The following PMP22 variants were observed in gnomAD, a reference collection of about 807,000 sequenced individuals.
PMP22 encodes the protein Charcot-Marie-Tooth neuropathy 1A (greatly reduced nerve conduction velocity, hereditary motor sensory neuropathy Ia).
PMP22 carries 2 observed loss-of-function variants against 18.9 expected under a neutral mutation model. The observed-to-expected ratio is 0.11, with a 90% CI of 0.04 to 0.33. PMP22 has a LOEUF of 0.33. Ranked by LOEUF, PMP22 falls within the 10% of genes least tolerant of loss-of-function variation. The probability of loss-of-function intolerance (pLI) is 1.00; values close to 1 mark genes in which losing one functional copy is unlikely to be tolerated. For synonymous variants in PMP22, 95 were observed against 89.2 expected, an observed-to-expected ratio of 1.07 and a Z score of -0.37; for missense variants, 169 against 202.2, an observed-to-expected ratio of 0.84 and a Z score of 1.00.
rs1272659740 is a variant in PMP22, at chr17:15,261,871, C to A, written c.-34-1110G>T. On this transcript the variant is annotated intron_variant, in intron 1 of 4. Coordinates refer to ENST00000312280, the MANE Select transcript of PMP22 (RefSeq NM_000304.4). The surrounding 1 kb of genome is among the most constrained non-coding windows in gnomAD (Gnocchi z 5.2). Reference sequence around the variant, plus strand: ...AAGATCTGGCTGAGACTCTGGGGACCATTTTAGGCAGAGTCTTGGGCCAGG... The same window carrying A: ...AAGATCTGGCTGAGACTCTGGGGACAATTTTAGGCAGAGTCTTGGGCCAGG... The A allele has an allele frequency of 6.6e-6, 1 of 152,212 alleles. No individual in the cohort carries two copies. The highest frequency in any genetic ancestry group is 6.5e-5 in the Admixed American group (1 of 15,280). 9.4% of individuals were successfully genotyped at this position (152,212 alleles called of 1,614,324 possible). A position where few individuals can be genotyped will look rare whatever the true frequency, so the allele number is the denominator to read the frequency against.
chr17:15,243,111 C>T (rs751179308), intron 3 of PMP22, among the ~76,000 whole-genome samples: 3 of 151,910 alleles, frequency 2.0e-5, no homozygotes, highest in Non-Finnish European at 4.4e-5. Context: ...ACACTTTCAA[C>T]TCAAGAAGCC....
intron 3 of PMP22, among the ~76,000 whole-genome samples, chr17:15,248,089 G>A (rs1022386769): frequency 3.9e-5 from 6 of 152,132 alleles, no homozygotes; most frequent in Non-Finnish European, 7.3e-5. Context: ...CATATGCTTC[G>A]CCCACCAGCT....
At chr17:15,264,249 GATAGAT>G (rs1231495378) in intron 1 of PMP22, among the ~76,000 whole-genome samples, 45 of 95,496 alleles carry the variant, frequency 4.7e-4, no homozygotes, top group African/African-American at 1.1e-3. Context: ...TAGATAGATA[GATAGAT>G]ATAGATAGAT....
chr17:15,258,935 C>T lies in PMP22; in HGVS notation c.178+159G>A, dbSNP rs1326193772. The T allele has an allele frequency of 5.8e-6, 4 of 693,706 alleles. No individual in the cohort carries two copies. Among genetic ancestry groups the T allele is most frequent in the Non-Finnish European group, 5.3e-6 (2 of 378,218 alleles). 43.0% of individuals were successfully genotyped at this position (693,706 alleles called of 1,614,324 possible). On this transcript the variant is annotated intron_variant, in intron 3 of 4. Coordinates refer to ENST00000312280, the MANE Select transcript of PMP22 (RefSeq NM_000304.4). The surrounding 1 kb of genome is among the most constrained non-coding windows in gnomAD (Gnocchi z 4.1). ...AGCTTCCCCAGCGAGATCACCACCC[C>T]TCCCATTTTCCCTGGACTCATGGCT...
In PMP22 at chr17:15,258,779, G is replaced by A. The variant is rs1180409045; in HGVS notation, c.178+315C>T. On this transcript the variant is annotated intron_variant, in intron 3 of 4. Coordinates refer to ENST00000312280, the MANE Select transcript of PMP22 (RefSeq NM_000304.4). This position sits in a 1 kb window ranked among gnomAD's most constrained non-coding sequence, Gnocchi z 4.1. Reference sequence around the variant, plus strand: ...CCCAAGGGGGTCTGCCAAAGGCTTAGCTATCATACCACCTTCACAGCTCCC... The same window carrying A: ...CCCAAGGGGGTCTGCCAAAGGCTTAACTATCATACCACCTTCACAGCTCCC... The A allele has an allele frequency of 2.5e-6, 1 of 404,970 alleles. No homozygotes were observed. The highest frequency in any genetic ancestry group is 2.0e-5 in the African/African-American group (1 of 48,786). 25.1% of individuals were successfully genotyped at this position (404,970 alleles called of 1,614,324 possible). A position where few individuals can be genotyped will look rare whatever the true frequency, so the allele number is the denominator to read the frequency against.
At chr17:15,236,051 C>T (rs1270138640) in intron 4 of PMP22, among the ~76,000 whole-genome samples, 4 of 151,256 alleles carry the variant, frequency 2.6e-5, no homozygotes, top group African/African-American at 9.8e-5. Flanking sequence ...TGAGCCACTG[C>T]GCCCCGCCCA....
chr17:15,257,874 T>C (rs563968813), intron 3 of PMP22, among the ~76,000 whole-genome samples: 3 of 152,350 alleles, frequency 2.0e-5, no homozygotes, highest in African/African-American at 7.2e-5. Context: ...CCATGTAAAT[T>C]ACCAAATTAT....
At chr17:15,243,797 A>G in intron 3 of PMP22, among the ~76,000 whole-genome samples, 1 of 148,318 alleles carries the variant, frequency 6.7e-6, no homozygotes, top group East Asian at 1.9e-4. Context: ...ACATATAATT[A>G]TAATTAATAA....
chr17:15,260,796 A>G (rs567565233), intron 1 of PMP22, 35 bp from the exon 2 acceptor site: 1 of 1,380,686 alleles, frequency 7.2e-7, no homozygotes, highest in East Asian at 2.5e-5. Flanking sequence ...GGCCGAACGC[A>G]CTGGGCCGAG....
intron 1 of PMP22, among the ~76,000 whole-genome samples, chr17:15,263,875 G>A (rs1003904679): frequency 2.0e-5 from 3 of 152,196 alleles, no homozygotes; most frequent in Non-Finnish European, 4.4e-5. Flanking sequence ...TGCATGGTCT[G>A]TGAGAGGCAG....
intron 3 of PMP22, among the ~76,000 whole-genome samples, chr17:15,252,453 G>T (rs1024609968): frequency 6.6e-6 from 1 of 152,108 alleles, no homozygotes; most frequent in Non-Finnish European, 1.5e-5. Context: ...GAAAAGAAGA[G>T]TAGTAAGTGG....
chr17:15,242,205 A>T (rs1907390267), intron 3 of PMP22, among the ~76,000 whole-genome samples: 1 of 148,140 alleles, frequency 6.8e-6, no homozygotes, highest in South Asian at 2.2e-4. Flanking sequence ...GTGAGCCAAG[A>T]TCACACCACT....
At chr17:15,243,811 G>A (rs973512511) in intron 3 of PMP22, among the ~76,000 whole-genome samples, 1 of 148,090 alleles carries the variant, frequency 6.8e-6, no homozygotes, top group Non-Finnish European at 1.5e-5. Context: ...TTAATAAAAT[G>A]TATTTTATTT....
chr17:15,248,130 GC>G (rs912579322), intron 3 of PMP22, among the ~76,000 whole-genome samples: 9 of 152,216 alleles, frequency 5.9e-5, no homozygotes, highest in Admixed American at 2.0e-4. Flanking sequence ...CGTGGGTCTT[GC>G]CCCCTGGGCT....
chr17:15,243,634 G>A (rs1336766212), intron 3 of PMP22, among the ~76,000 whole-genome samples: 1 of 149,360 alleles, frequency 6.7e-6, no homozygotes, highest in Non-Finnish European at 1.5e-5. Context: ...ACAATTAATT[G>A]TAACTTTATA....
rs1908992749 is a variant in PMP22 at position 15,258,062 on chromosome 17, A to G, written c.178+1032T>C. On this transcript the variant is annotated intron_variant, in intron 3 of 4. Coordinates refer to ENST00000312280, the MANE Select transcript of PMP22 (RefSeq NM_000304.4). This position sits in a 1 kb window ranked among gnomAD's most constrained non-coding sequence, Gnocchi z 4.1. ...TTCACTGCCTGTTTTACTGAACTGG[A>G]TCTAAACTGGTTTCTCTCGTCTGGT... 6.6e-6 allele frequency among the ~76,000 whole-genome samples: 1 copy of G among 152,178 alleles called. No individual in the cohort carries two copies.
intron 4 of PMP22, among the ~76,000 whole-genome samples, chr17:15,234,538 G>A (rs1906625477): frequency 6.6e-6 from 1 of 152,104 alleles, no homozygotes. Flanking sequence ...GGGAGGGCAG[G>A]AAGGGGCTGT....
At position 15,260,752 on chromosome 17, in the gene PMP22, G is replaced by A; in HGVS notation, c.-25C>T. ...TTCTGGCGGCAAGTTCTGCTCAGCG[G>A]AGTTTCTGCCTGCGAGGAGAGCGCT... On this transcript the variant is annotated 5_prime_UTR_variant, in exon 2 of 5. Coordinates refer to ENST00000312280, the MANE Select transcript of PMP22 (RefSeq NM_000304.4). 6.5e-7 allele frequency: 1 copy of A among 1,546,408 alleles called. No individual in the cohort carries two copies. Among genetic ancestry groups the A allele is most frequent in the African/African-American group, 1.4e-5 (1 of 73,058 alleles).
chr17:15,259,712 T>G (rs1286608008), intron 2 of PMP22, among the ~76,000 whole-genome samples: 2 of 149,540 alleles, frequency 1.3e-5, no homozygotes, highest in Non-Finnish European at 3.0e-5. Context: ...GAGGCAGAGG[T>G]GGGCGGATCA....
Sources: gnomAD v4.1 joint callset for allele counts (sites outside exome capture counted in the v4.1 genomes callset) on GRCh38, gnomAD v4.1.1 for gene constraint, Gnocchi (gnomAD v3.1) non-coding constraint, MANE v1.5 for transcripts, NCBI Gene and HGNC (gene_info 2026-07-23, HGNC 2026-07-21) for gene names.